COL4A6: variants seen among roughly 807,000 people sequenced by gnomAD.
COL4A6 encodes the protein collagen type IV alpha 6 chain.
In COL4A6, 59 loss-of-function variants were observed where a neutral mutation model predicts 126.7. The ratio of observed to expected loss-of-function variants is 0.47; its 90% CI spans 0.38 to 0.58. The LOEUF is 0.58. Ranked by LOEUF, COL4A6 falls within the 20% of genes least tolerant of loss-of-function variation. COL4A6 has a pLI of 0.00. For missense variants in COL4A6, 1,285 were observed against 1,337.3 expected (o/e 0.96, Z 0.61); for synonymous variants, 547 against 496.6 (o/e 1.10, Z -1.35).
At chrX:108,390,383 G>C (rs1372431841) in intron 2 of COL4A6, among the ~76,000 whole-genome samples, 1 of 109,916 alleles carries the variant, frequency 9.1e-6, no homozygotes, top group African/African-American at 3.3e-5. Flanking sequence ...ACATAGATTT[G>C]GTCTTTTCAC....
chrX:108,377,355 C>T (rs1029816364), intron 2 of COL4A6, among the ~76,000 whole-genome samples: 1 of 109,234 alleles, frequency 9.2e-6, no homozygotes, highest in African/African-American at 3.3e-5. Context: ...AGATGCCTTC[C>T]TCTTATCTCA....
intron 3 of COL4A6, among the ~76,000 whole-genome samples, chrX:108,252,356 A>G (rs192434446): frequency 8.9e-6 from 1 of 112,113 alleles, no homozygotes; most frequent in African/African-American, 3.2e-5. Flanking sequence ...GTGTACATAT[A>G]CCACATTTTA....
intron 2 of COL4A6, among the ~76,000 whole-genome samples, chrX:108,314,351 C>T (rs2038832551): frequency 8.9e-6 from 1 of 112,242 alleles, no homozygotes; most frequent in East Asian, 2.8e-4. Context: ...GATTCTAACA[C>T]TTCTGAACAT....
At chrX:108,253,249 C>T (rs1346473448) in intron 3 of COL4A6, among the ~76,000 whole-genome samples, 2 of 111,222 alleles carry the variant, frequency 1.8e-5, no homozygotes, top group African/African-American at 6.5e-5. Flanking sequence ...ATAAAAAAAC[C>T]ATAGAGACTC....
intron 42 of COL4A6, 115 bp from the exon 43 acceptor site, chrX:108,160,769 A>G: frequency 3.0e-6 from 2 of 657,132 alleles, no homozygotes; most frequent in East Asian, 8.0e-5. Context: ...ATCTCACTCA[A>G]TCCTCACGAT....
Position 108,304,686 on chromosome X carries a change from G to A in COL4A6, c.144+6062C>T, listed in dbSNP as rs983715468. Among the ~76,000 whole-genome samples, 3 of 111,818 alleles carry A rather than the reference G, an allele frequency of 2.7e-5. No homozygotes were observed. The East Asian group carries it at 8.5e-4, about 32-fold the overall frequency. On this transcript the variant is annotated intron_variant, in intron 3 of 44. Transcript: ENST00000334504. Reference sequence around the variant, plus strand: ...TTTGCCAAGTCCCTTGCATTATTAGGTATAGAGTAAGAAGCAATCAAGCAA... The same window carrying A: ...TTTGCCAAGTCCCTTGCATTATTAGATATAGAGTAAGAAGCAATCAAGCAA...
chrX:108,291,553 T>C (rs955196857), intron 3 of COL4A6, among the ~76,000 whole-genome samples: 3 of 111,608 alleles, frequency 2.7e-5, no homozygotes, highest in African/African-American at 9.7e-5. Flanking sequence ...TTTCTATTTT[T>C]TTTTTTACTG....
chrX:108,281,108 C>T (rs2037806331), intron 3 of COL4A6, among the ~76,000 whole-genome samples: 1 of 96,468 alleles, frequency 1.0e-5, no homozygotes, highest in African/African-American at 3.8e-5. Context: ...CCTCTCTCAC[C>T]ACTCCTATTC....
chrX:108,419,849 C>T (rs1012850082), intron 2 of COL4A6, among the ~76,000 whole-genome samples: 3 of 111,672 alleles, frequency 2.7e-5, no homozygotes, highest in Non-Finnish European at 5.6e-5. Flanking sequence ...CATACAACTG[C>T]GAGAACACCA....
chrX:108,170,987 G>A, intron 33 of COL4A6, 70 bp from the exon 34 acceptor site: 1 of 961,503 alleles, frequency 1.0e-6, no homozygotes, highest in Non-Finnish European at 1.5e-6. Context: ...ATGGGAAAGA[G>A]TAGATTCTGA....
intron 3 of COL4A6, among the ~76,000 whole-genome samples, chrX:108,277,645 C>A (rs2037651683): frequency 1.8e-5 from 2 of 112,001 alleles, no homozygotes; most frequent in South Asian, 7.5e-4. Flanking sequence ...CAGTGGTTCT[C>A]CCAGCACGCA....
chrX:108,175,623 A>G (rs1444109982), intron 29 of COL4A6, 31 bp downstream of exon 29: 3 of 1,173,151 alleles, frequency 2.6e-6, no homozygotes, highest in Middle Eastern at 2.4e-4. Context: ...AAGCATGGGC[A>G]GCAGTTCCAG....
At chrX:108,309,990 T>C (rs1603061865) in intron 3 of COL4A6, among the ~76,000 whole-genome samples, 1 of 111,607 alleles carries the variant, frequency 9.0e-6, no homozygotes, top group African/African-American at 3.3e-5. Context: ...GATGCTCAAC[T>C]TGTGTATGTG....
At chrX:108,386,040 ACATGAACTC>A in intron 2 of COL4A6, among the ~76,000 whole-genome samples, 1 of 111,637 alleles carries the variant, frequency 9.0e-6, no homozygotes. Context: ...CCTGCAAAGG[ACATGAACTC>A]ATGCTTTTTT....
intron 3 of COL4A6, among the ~76,000 whole-genome samples, chrX:108,253,220 G>T (rs1209353643): frequency 9.0e-6 from 1 of 111,488 alleles, no homozygotes; most frequent in African/African-American, 3.3e-5. Flanking sequence ...ATCCCTATTT[G>T]CAAATGAAAT....
At position 108,191,361 on chromosome X, in the gene COL4A6, C is replaced by G. The variant is rs748325798; in HGVS notation, c.1321+32G>C. The G allele has an allele frequency of 1.3e-4, 156 of 1,200,299 alleles. No homozygotes were observed. The South Asian group carries it at 2.7e-3, about 21-fold the overall frequency. On this transcript the variant is annotated intron_variant, in intron 19 of 44. Transcript: ENST00000334504. Reference sequence around the variant, plus strand: ...TCTGCAGTCTGGATCACATCTGAATCTTGAGACCAAAAAGAGAAATGAGTA... The same window carrying G: ...TCTGCAGTCTGGATCACATCTGAATGTTGAGACCAAAAAGAGAAATGAGTA...
chrX:108,197,954 C>G, intron 13 of COL4A6, among the ~76,000 whole-genome samples: 1 of 111,254 alleles, frequency 9.0e-6, no homozygotes, highest in East Asian at 2.8e-4. Context: ...TGAATGCAAA[C>G]TTATTTAAAA....
chrX:108,385,518 G>A (rs1159782994), intron 2 of COL4A6, among the ~76,000 whole-genome samples: 1 of 111,005 alleles, frequency 9.0e-6, no homozygotes, highest in Non-Finnish European at 1.9e-5. Flanking sequence ...GAATTGGTTG[G>A]TTTCCAGATT....
Position 108,209,932 on chromosome X carries a change from T to A in COL4A6, c.546+37A>T, listed in dbSNP as rs770391272. On this transcript the variant is annotated intron_variant, in intron 8 of 44. Coordinates refer to ENST00000334504, the MANE Select transcript of COL4A6 (RefSeq NM_033641.4). ...AAAATGCACCATTAGTGATTTTTAG[T>A]CAACACTGAGAGCTCAACACATAAA... 3 of 1,198,813 alleles carry A rather than the reference T, an allele frequency of 2.5e-6. No individual in the cohort carries two copies. The Admixed American group carries it at 6.7e-5, about 27-fold the overall frequency.
Sources: allele counts gnomAD v4.1 joint callset (sites outside exome capture counted in the v4.1 genomes callset), GRCh38; gene constraint gnomAD v4.1.1; transcripts MANE v1.5; gene names NCBI Gene and HGNC (gene_info 2026-07-23, HGNC 2026-07-21).